Variants in SYT9 observed in about 807,000 individuals in gnomAD.
SYT9 encodes synaptotagmin 9.
In SYT9, 22 loss-of-function variants were observed where a neutral mutation model predicts 48.4. The observed-to-expected ratio is 0.45, with a 90% CI of 0.32 to 0.65. The LOEUF is 0.65. Among genes scored for constraint, SYT9 ranks in the 30% least tolerant of loss-of-function variants. The pLI, the probability that SYT9 is intolerant of heterozygous loss-of-function variation, is 0.03. For missense variants in SYT9, 577 were observed against 622.0 expected, an observed-to-expected ratio of 0.93 and a Z score of 0.77; for synonymous variants, 265 against 245.0, an observed-to-expected ratio of 1.08 and a Z score of -0.76.
At chr11:7,449,470 C>G (rs1482701217) in intron 6 of SYT9, among the ~76,000 whole-genome samples, 1 of 151,834 alleles carries the variant, frequency 6.6e-6, no homozygotes, top group African/African-American at 2.4e-5. Flanking sequence ...AAAAGAGAAC[C>G]AGGATTCAGT....
intron 1 of SYT9, among the ~76,000 whole-genome samples, chr11:7,302,186 T>G (rs940715326): frequency 1.3e-5 from 2 of 152,180 alleles, no homozygotes; most frequent in Admixed American, 1.3e-4. Context: ...GCCCTCTAAT[T>G]AATAACTAAA....
chr11:7,356,503 C>A (rs1340685163), intron 3 of SYT9, among the ~76,000 whole-genome samples: 2 of 152,132 alleles, frequency 1.3e-5, no homozygotes, highest in African/African-American at 4.8e-5. Context: ...AGTGCGAGCC[C>A]TCCAGGGAGG....
upstream of SYT9, among the ~76,000 whole-genome samples, chr11:7,251,596 T>G (rs558374101): frequency 4.1e-4 from 63 of 152,312 alleles, no homozygotes; most frequent in African/African-American, 1.4e-3. Flanking sequence ...ATTGTAACCT[T>G]CGCACTAGGC....
intron 6 of SYT9, among the ~76,000 whole-genome samples, chr11:7,452,759 G>A (rs988827212): frequency 2.6e-5 from 4 of 151,898 alleles, no homozygotes; most frequent in African/African-American, 9.7e-5. Context: ...GAATGCTTTG[G>A]GCTTCTAGGA....
chr11:7,280,680 G>A (rs776529666), intron 1 of SYT9, among the ~76,000 whole-genome samples: 4 of 152,164 alleles, frequency 2.6e-5, no homozygotes, highest in African/African-American at 2.4e-5. Flanking sequence ...ATTGCTGACC[G>A]TGGAGCTGGG....
chr11:7,441,704 C>T (rs1847832665), intron 6 of SYT9: 1 of 152,176 alleles, frequency 6.6e-6, no homozygotes, highest in South Asian at 2.1e-4. Context: ...CAGGAAAACG[C>T]ACTTCTTGTA....
chr11:7,325,914 T>G (rs61889387), intron 3 of SYT9, among the ~76,000 whole-genome samples: 3 of 50,784 alleles, frequency 5.9e-5, no homozygotes, highest in Non-Finnish European at 1.1e-4. Flanking sequence ...CTGGATTACA[T>G]TTATTGATTT....
rs1352853623 is a variant in SYT9, at chr11:7,432,576, A to T, written c.1467+11941A>T. ...AAAAAAAAAAAAAAAAAAAAAAAAA[A>T]AAAAAAATATATATACATATATATA... On this transcript the variant is annotated intron_variant, in intron 6 of 6. Coordinates refer to ENST00000318881, the MANE Select transcript of SYT9 (RefSeq NM_175733.4). Among the ~76,000 whole-genome samples, 17 of 11,986 alleles carry T rather than the reference A, an allele frequency of 1.4e-3. 1 individual carries two copies. Among genetic ancestry groups the T allele is most frequent in the South Asian group, 5.2e-3 (1 of 194 alleles). 7.9% of individuals were successfully genotyped at this position (11,986 alleles called of 152,430 possible).
chr11:7,302,862 A>G (rs1255615887), intron 1 of SYT9, among the ~76,000 whole-genome samples, 177 bp from the exon 2 acceptor site: 2 of 152,126 alleles, frequency 1.3e-5, no homozygotes, highest in Non-Finnish European at 2.9e-5. Context: ...TGGTTTGTGT[A>G]TGAATTCTCA....
At chr11:7,446,627 A>G (rs950632139) in intron 6 of SYT9, among the ~76,000 whole-genome samples, 3 of 152,216 alleles carry the variant, frequency 2.0e-5, no homozygotes, top group African/African-American at 7.2e-5. Context: ...TTCCCAGAGC[A>G]AGGGAAGAAA....
intron 3 of SYT9, among the ~76,000 whole-genome samples, chr11:7,386,111 T>G (rs953078962): frequency 6.6e-6 from 1 of 152,204 alleles, no homozygotes; most frequent in Non-Finnish European, 1.5e-5. Context: ...GTATTTCATA[T>G]TTTTAAGGCA....
At chr11:7,271,511 G>T (rs1848295530) in intron 1 of SYT9, among the ~76,000 whole-genome samples, 1 of 152,200 alleles carries the variant, frequency 6.6e-6, no homozygotes, top group Non-Finnish European at 1.5e-5. Flanking sequence ...GGATGCCCCT[G>T]ATTTCAGTCC....
chr11:7,371,614 C>G (rs1850364526), intron 3 of SYT9, among the ~76,000 whole-genome samples: 1 of 152,102 alleles, frequency 6.6e-6, no homozygotes, highest in Admixed American at 6.5e-5. Flanking sequence ...CCATCTAAAA[C>G]AAGGCCACCA....
At chr11:7,412,916 A>G (rs7127462) in intron 3 of SYT9, among the ~76,000 whole-genome samples, 71,679 of 152,038 alleles carry the variant, frequency 0.47, 19,230 homozygotes, top group African/African-American at 0.72. Flanking sequence ...TGCCAACAGT[A>G]GTGGACTAGG....
chr11:7,293,583 T>C (rs1848732177), intron 1 of SYT9, among the ~76,000 whole-genome samples: 1 of 152,208 alleles, frequency 6.6e-6, no homozygotes, highest in African/African-American at 2.4e-5. Flanking sequence ...TATAGTGGTT[T>C]TCGTCTTAGA....
At chr11:7,432,820 C>T (rs559499651) in intron 6 of SYT9, among the ~76,000 whole-genome samples, 1 of 151,502 alleles carries the variant, frequency 6.6e-6, no homozygotes, top group Non-Finnish European at 1.5e-5. Flanking sequence ...TACCTTGTCT[C>T]AGATGAGACT....
Position 7,313,407 on chromosome 11 carries a change from C to G in SYT9, c.510C>G (p.Ile170Met). Residue 170 changes from isoleucine to methionine, a missense_variant, in exon 3 of 7, where the codon ATC becomes ATG. Coordinates refer to ENST00000318881, the MANE Select transcript of SYT9 (RefSeq NM_175733.4). ...CTCTTCATTCAAGGCATAATTCAAT[C>G]CGAAGACAACTCAACTTGTCAAACC... The part of the protein sequence containing the change: ...EPTSSARHNS[I>M]RRQLNLSNPD... 1 of 1,610,310 alleles carries G rather than the reference C, an allele frequency of 6.2e-7. No homozygotes were observed.
At chr11:7,437,424 T>C (rs1000674150) in intron 6 of SYT9, among the ~76,000 whole-genome samples, 1 of 152,220 alleles carries the variant, frequency 6.6e-6, no homozygotes, top group African/African-American at 2.4e-5. Flanking sequence ...TTTAATTTTT[T>C]TTCATTAAAA....
At chr11:7,245,297 G>T (rs1221769737) in intron 1 of SYT9, among the ~76,000 whole-genome samples, 2 of 152,162 alleles carry the variant, frequency 1.3e-5, no homozygotes, top group Non-Finnish European at 2.9e-5. Context: ...CATATATCAA[G>T]TGCATGATGG....
Sources: gnomAD v4.1 joint callset for allele counts (sites outside exome capture counted in the v4.1 genomes callset) on GRCh38, gnomAD v4.1.1 for gene constraint, MANE v1.5 for transcripts, NCBI Gene and HGNC (gene_info 2026-07-23, HGNC 2026-07-21) for gene names.